RBFOX1: variants seen among roughly 807,000 people sequenced by gnomAD.
RBFOX1 encodes the protein RNA binding fox-1 homolog 1.
A neutral mutation model predicts 57.7 loss-of-function variants in RBFOX1; 8 were observed. That is an observed-to-expected ratio of 0.14 (90% CI 0.08 to 0.25). The LOEUF (loss-of-function observed/expected upper bound fraction) is 0.25, where lower values mean the gene tolerates loss of function less well. Ranked by LOEUF, RBFOX1 falls within the 10% of genes least tolerant of loss-of-function variation. The pLI is 1.00. For missense variants in RBFOX1, 611 were observed against 548.5 expected, an observed-to-expected ratio of 1.11 and a Z score of -1.14; for synonymous variants, 326 against 222.4, an observed-to-expected ratio of 1.47 and a Z score of -4.15.
chr16:6,856,942 C>G (rs142561680), intron 3 of RBFOX1, among the ~76,000 whole-genome samples: 1 of 151,942 alleles, frequency 6.6e-6, no homozygotes, highest in South Asian at 2.1e-4. Flanking sequence ...AGAAAACGAA[C>G]GGAGGGACAT....
chr16:6,052,641 T>G (rs1055361412), intron 1 of RBFOX1, among the ~76,000 whole-genome samples: 6 of 151,606 alleles, frequency 4.0e-5, no homozygotes, highest in Admixed American at 1.3e-4. Context: ...AAAATTAGAC[T>G]GGCGCGGTGG....
chr16:6,677,018 C>T (rs1241805994), intron 3 of RBFOX1, among the ~76,000 whole-genome samples: 1 of 152,058 alleles, frequency 6.6e-6, no homozygotes, highest in Non-Finnish European at 1.5e-5. Flanking sequence ...GACCAAAAGA[C>T]TTGAAAAAGA....
rs986782800 is a variant in RBFOX1 at position 6,491,877 on chromosome 16, G to A, written c.-63-162726G>A. Reference sequence around the variant, plus strand: ...TCTAACATTGGTGAAAAATGAATCTGATGTAGATGAAGAGATTTATGTAGC... The same window carrying A: ...TCTAACATTGGTGAAAAATGAATCTAATGTAGATGAAGAGATTTATGTAGC... On this transcript the variant is annotated intron_variant, in intron 2 of 15. Transcript: ENST00000550418. Among the ~76,000 whole-genome samples, 4 of 152,144 alleles carry A rather than the reference G, an allele frequency of 2.6e-5. No homozygotes were observed. The East Asian group carries it at 5.8e-4, about 22-fold the overall frequency.
At chr16:5,991,645 G>GTTTTTTTTTTTTTTTTTTTTTT (rs60004233) in intron 4 of RBFOX1, among the ~76,000 whole-genome samples, 2 of 123,934 alleles carry the variant, frequency 1.6e-5, no homozygotes, top group Non-Finnish European at 1.8e-5. Flanking sequence ...TTATTAGATA[G>GTTTTTTTTTTTTTTTTTTTTTT]TTTTTTTTTT....
intron 2 of RBFOX1, among the ~76,000 whole-genome samples, chr16:5,499,821 C>T (rs1340532646): frequency 2.0e-5 from 3 of 152,152 alleles, no homozygotes; most frequent in East Asian, 3.9e-4. Context: ...GATCCACCTG[C>T]CTTGGCCTCC....
chr16:5,300,827 C>T (rs898245965), intron 1 of RBFOX1, among the ~76,000 whole-genome samples: 5 of 152,010 alleles, frequency 3.3e-5, no homozygotes, highest in South Asian at 2.1e-4. Flanking sequence ...AGTAAAATGT[C>T]GTTCATTTTG....
intron 4 of RBFOX1, among the ~76,000 whole-genome samples, chr16:7,317,349 G>A (rs1257312135): frequency 6.6e-6 from 1 of 152,150 alleles, no homozygotes; most frequent in Non-Finnish European, 1.5e-5. Flanking sequence ...CTTCATGGAA[G>A]TGAGTGACAG....
At chr16:7,121,073 A>G (rs756273748) in intron 4 of RBFOX1, among the ~76,000 whole-genome samples, 2 of 152,008 alleles carry the variant, frequency 1.3e-5, no homozygotes, top group African/African-American at 4.8e-5. Context: ...TACATTGATG[A>G]TAAAAACTCT....
intron 4 of RBFOX1, among the ~76,000 whole-genome samples, chr16:7,204,466 A>T (rs945308795): frequency 6.6e-6 from 1 of 152,150 alleles, no homozygotes. Context: ...ACATAGTAAG[A>T]CATTGTCTCT....
At chr16:7,655,672 G>C (rs1276269498) in intron 12 of RBFOX1, among the ~76,000 whole-genome samples, 2 of 152,082 alleles carry the variant, frequency 1.3e-5, no homozygotes, top group Non-Finnish European at 1.5e-5. Flanking sequence ...ACTAAAGCAA[G>C]ATTTGTATGC....
chr16:5,889,831 G>A (rs1417015787), intron 4 of RBFOX1, among the ~76,000 whole-genome samples: 1 of 152,228 alleles, frequency 6.6e-6, no homozygotes, highest in African/African-American at 2.4e-5. Context: ...GCAACAGCCT[G>A]TAGTCGAGTG....
intron 2 of RBFOX1, among the ~76,000 whole-genome samples, chr16:5,519,717 G>A (rs540288023): frequency 6.6e-6 from 1 of 152,026 alleles, no homozygotes; most frequent in Non-Finnish European, 1.5e-5. Context: ...AGAGTGAGAT[G>A]GTGTCTCAGA....
intron 3 of RBFOX1, among the ~76,000 whole-genome samples, chr16:5,619,355 T>A (rs1320424514): frequency 6.6e-6 from 1 of 152,088 alleles, no homozygotes. Context: ...GGGACGGGCA[T>A]GTTCAACATG....
chr16:5,850,971 A>G (rs1209641779), intron 3 of RBFOX1, among the ~76,000 whole-genome samples: 1 of 152,180 alleles, frequency 6.6e-6, no homozygotes, highest in East Asian at 1.9e-4. Context: ...CCGGAGGCTC[A>G]TGCATCCTCT....
intron 2 of RBFOX1, among the ~76,000 whole-genome samples, chr16:5,497,517 C>G (rs968417595): frequency 5.9e-5 from 9 of 151,622 alleles, no homozygotes; most frequent in African/African-American, 1.7e-4. Flanking sequence ...GCTCATGTCT[C>G]TAATCCCAGC....
intron 2 of RBFOX1, among the ~76,000 whole-genome samples, chr16:6,530,704 G>T (rs1285718129): frequency 2.0e-5 from 3 of 152,004 alleles, no homozygotes; most frequent in African/African-American, 7.2e-5. Flanking sequence ...ATGGTGGCAG[G>T]TGAAGAGAGA....
chr16:5,969,196 C>T (rs2059910712), intron 4 of RBFOX1, among the ~76,000 whole-genome samples: 2 of 151,796 alleles, frequency 1.3e-5, no homozygotes, highest in African/African-American at 4.8e-5. Context: ...TTGACAATGC[C>T]TCTCTGGCAT....
At chr16:7,689,679 A>T (rs540458363) in intron 14 of RBFOX1, among the ~76,000 whole-genome samples, 1 of 152,200 alleles carries the variant, frequency 6.6e-6, no homozygotes, top group South Asian at 2.1e-4. Context: ...TGTGGGTGAC[A>T]GGAATGGGAA....
intron 1 of RBFOX1, among the ~76,000 whole-genome samples, chr16:5,390,530 C>A (rs934724107): frequency 3.3e-5 from 5 of 152,208 alleles, no homozygotes; most frequent in African/African-American, 1.2e-4. Flanking sequence ...CTCAAGTGAT[C>A]CACCTGCCTC....
Sources: allele counts gnomAD v4.1 joint callset (sites outside exome capture counted in the v4.1 genomes callset), GRCh38; gene constraint gnomAD v4.1.1; transcripts MANE v1.5; gene names NCBI Gene and HGNC (gene_info 2026-07-23, HGNC 2026-07-21).